The following APCDD1L variants were observed in gnomAD, a reference collection of about 807,000 sequenced individuals.
APCDD1L encodes APC down-regulated 1 like.
In APCDD1L, 21 loss-of-function variants were observed where a neutral mutation model predicts 24.2. That is an observed-to-expected ratio of 0.87 (90% CI 0.61 to 1.25). The LOEUF is 1.25. Ranked by LOEUF, APCDD1L falls within the 50% of genes most tolerant of loss-of-function variation. The pLI is 0.00. For synonymous variants in APCDD1L, 321 were observed against 323.6 expected (o/e 0.99, Z 0.09); for missense variants, 704 against 711.7 (o/e 0.99, Z 0.12).
chr20:58,474,158 C>T (rs749981249), intron 1 of APCDD1L, among the ~76,000 whole-genome samples: 66 of 152,334 alleles, frequency 4.3e-4, no homozygotes, highest in Non-Finnish European at 7.6e-4. Context: ...AGGCCAGGTG[C>T]TTCATCTGCA....
chr20:58,515,259 C>T lies in APCDD1L; in HGVS notation c.-552G>A, dbSNP rs1990721712. On this transcript the variant is annotated 5_prime_UTR_variant, in exon 1 of 4. Transcript: ENST00000371149. Reference sequence around the variant, plus strand: ...GTCTTCCAGCTACTCCTGGAAAAGTCGCGTCAACTTGGATCCCAGCAAACC... The same window carrying T: ...GTCTTCCAGCTACTCCTGGAAAAGTTGCGTCAACTTGGATCCCAGCAAACC... The T allele has an allele frequency of 1.0e-5, 2 of 198,372 alleles. No homozygotes were observed. The highest frequency in any genetic ancestry group is 2.0e-5 in the Non-Finnish European group (2 of 99,192). The allele number at this position is 198,372 out of a possible 1,614,324, so 12.3% of individuals were successfully genotyped here. A position where few individuals can be genotyped will look rare whatever the true frequency, so the allele number is the denominator to read the frequency against.
chr20:58,510,768 G>A (rs982538902), intron 1 of APCDD1L, among the ~76,000 whole-genome samples: 1 of 152,218 alleles, frequency 6.6e-6, no homozygotes, highest in East Asian at 1.9e-4. Flanking sequence ...GCAGCAAGAA[G>A]GGTGGAGCCT....
At chr20:58,485,872 G>GC (rs1355094539) in intron 1 of APCDD1L, among the ~76,000 whole-genome samples, 48 of 152,330 alleles carry the variant, frequency 3.2e-4, no homozygotes, top group Non-Finnish European at 6.2e-4. Flanking sequence ...TGCCTGTAGA[G>GC]CCCCTCCTGA....
At position 58,467,061 on chromosome 20, in the gene APCDD1L, C is replaced by T; in HGVS notation, c.741+45G>A. 1 of 1,546,942 alleles carries T rather than the reference C, an allele frequency of 6.5e-7. No individual in the cohort carries two copies. Among genetic ancestry groups the T allele is most frequent in the South Asian group, 1.2e-5 (1 of 84,622 alleles). ...GGGCTGGGTTCCGAGCTCGCCTCCC[C>T]GAGACCACCACCCCCCTCTCCCACA... On this transcript the variant is annotated intron_variant, in intron 3 of 3. Transcript: ENST00000371149. The surrounding 1 kb of genome is among the most constrained non-coding windows in gnomAD (Gnocchi z 5.9).
chr20:58,489,693 A>C (rs1990188349), intron 1 of APCDD1L, among the ~76,000 whole-genome samples: 1 of 152,006 alleles, frequency 6.6e-6, no homozygotes, highest in Admixed American at 6.6e-5. Flanking sequence ...TGGAAAAAAA[A>C]AAAAAAGAAA....
At position 58,467,053 on chromosome 20, in the gene APCDD1L, C is replaced by T. The variant is rs998010501; in HGVS notation, c.741+53G>A. 2.6e-6 allele frequency: 4 copies of T among 1,535,116 alleles called. No individual in the cohort carries two copies. The African/African-American group carries it at 4.2e-5, about 16-fold the overall frequency. ...AAGCTGCGGGGCTGGGTTCCGAGCT[C>T]GCCTCCCCGAGACCACCACCCCCCT... On this transcript the variant is annotated intron_variant, in intron 3 of 3. Coordinates refer to ENST00000371149, the MANE Select transcript of APCDD1L (RefSeq NM_153360.3). This position sits in a 1 kb window ranked among gnomAD's most constrained non-coding sequence, Gnocchi z 5.9.
chr20:58,465,855 G>A (rs556256423), intron 3 of APCDD1L, among the ~76,000 whole-genome samples: 43 of 152,234 alleles, frequency 2.8e-4, no homozygotes, highest in African/African-American at 9.2e-4. Context: ...CACATTTATC[G>A]TTTCTCTATA....
chr20:58,512,842 C>T (rs990505380), intron 1 of APCDD1L, among the ~76,000 whole-genome samples: 9 of 148,348 alleles, frequency 6.1e-5, no homozygotes, highest in Admixed American at 4.7e-4. Context: ...GCAGGCTGAA[C>T]GGCACCCTCC....
rs1047321846 is a variant in APCDD1L at position 58,497,472 on chromosome 20, C to A, written c.49+17187G>T. Among the ~76,000 whole-genome samples, 3 of 152,144 alleles carry A rather than the reference C, an allele frequency of 2.0e-5. No homozygotes were observed. The highest frequency in any genetic ancestry group is 7.2e-5 in the African/African-American group (3 of 41,432). On this transcript the variant is annotated intron_variant, in intron 1 of 3. Transcript: ENST00000371149. The surrounding 1 kb of genome is among the most constrained non-coding windows in gnomAD (Gnocchi z 4.3). ...GAGTCTGGGCTCATGAGTCTGGGCTCAAGGTGCGAGCTGGGTTGGTTCCTT... is the reference window on the plus strand; with the variant it reads ...GAGTCTGGGCTCATGAGTCTGGGCTAAAGGTGCGAGCTGGGTTGGTTCCTT...
intron 1 of APCDD1L, among the ~76,000 whole-genome samples, chr20:58,472,793 G>T (rs1989835885): frequency 6.6e-6 from 1 of 152,218 alleles, no homozygotes; most frequent in African/African-American, 2.4e-5. Context: ...TGGTTGTTTT[G>T]TCTCAACTTG....
Position 58,463,564 on chromosome 20 carries a change from A to G in APCDD1L, c.742-2010T>C, listed in dbSNP as rs143878419. Among the ~76,000 whole-genome samples the G allele has an allele frequency of 3.1e-3, 471 of 152,286 alleles. 4 individuals are homozygous for G. The highest frequency in any genetic ancestry group is 0.011 in the African/African-American group (454 of 41,564). Reference sequence around the variant, plus strand: ...TCTCCTTCTCCTATTTTATTTCTAAAAAAGAAGCTGCCGCCCAGATTGTAG... The same window carrying G: ...TCTCCTTCTCCTATTTTATTTCTAAGAAAGAAGCTGCCGCCCAGATTGTAG... On this transcript the variant is annotated intron_variant, in intron 3 of 3. Coordinates refer to ENST00000371149, the MANE Select transcript of APCDD1L (RefSeq NM_153360.3).
intron 1 of APCDD1L, among the ~76,000 whole-genome samples, chr20:58,511,320 C>T (rs1231991088): frequency 6.6e-6 from 1 of 152,218 alleles, no homozygotes. Context: ...AATGGCTTCT[C>T]CTTCCCTTTG....
intron 1 of APCDD1L, among the ~76,000 whole-genome samples, chr20:58,488,363 C>T (rs926551044): frequency 4.6e-5 from 7 of 152,296 alleles, no homozygotes; most frequent in African/African-American, 1.7e-4. Flanking sequence ...CTAATGTACA[C>T]ACACACTCAC....
Position 58,514,808 on chromosome 20 carries a change from G to T in APCDD1L, c.-101C>A. 1 of 978,728 alleles carries T rather than the reference G, an allele frequency of 1.0e-6. No homozygotes were observed. Among genetic ancestry groups the T allele is most frequent in the Non-Finnish European group, 1.3e-6 (1 of 746,652 alleles). The allele number at this position is 978,728 out of a possible 1,614,324, so 60.6% of individuals were successfully genotyped here. On this transcript the variant is annotated 5_prime_UTR_variant, in exon 1 of 4. Coordinates refer to ENST00000371149, the MANE Select transcript of APCDD1L (RefSeq NM_153360.3). ...GACGGCTGCGGGCGCCGGCGGCCAG[G>T]CTGGAGTCCTGCGAAGAAGTTGCGA...
rs189743747 is a variant in APCDD1L, at chr20:58,488,089, T to A, written c.50-17342A>T. On this transcript the variant is annotated intron_variant, in intron 1 of 3. Transcript: ENST00000371149. ...TGCAGTCAACCATGATCTGGAAATATTAAATGGAAAATTCCAGAAATAAAC... is the reference window on the plus strand; with the variant it reads ...TGCAGTCAACCATGATCTGGAAATAATAAATGGAAAATTCCAGAAATAAAC... Among the ~76,000 whole-genome samples, 186 of 152,280 alleles carry A rather than the reference T, an allele frequency of 1.2e-3. No individual in the cohort carries two copies. In the Middle Eastern group the frequency reaches 0.014, roughly 11 times the overall value.
In APCDD1L at chr20:58,499,378, C is replaced by T. The variant is rs182347074; in HGVS notation, c.49+15281G>A. On this transcript the variant is annotated intron_variant, in intron 1 of 3. Coordinates refer to ENST00000371149, the MANE Select transcript of APCDD1L (RefSeq NM_153360.3). ...GGGAATGGAACCCAAGGGAAGCCTG[C>T]AGCATCCCCACACCTCCCCTCAGTT... Among the ~76,000 whole-genome samples the T allele has an allele frequency of 4.0e-3, 610 of 152,320 alleles. 5 individuals carry two copies. Among genetic ancestry groups the T allele is most frequent in the Non-Finnish European group, 6.6e-3 (451 of 68,014 alleles).
intron 1 of APCDD1L, among the ~76,000 whole-genome samples, chr20:58,488,582 T>G (rs1326662014): frequency 6.6e-6 from 1 of 152,240 alleles, no homozygotes; most frequent in East Asian, 1.9e-4. Flanking sequence ...AACATTTCTA[T>G]GTGTTTGGAA....
chr20:58,493,254 A>G (rs1990258271), intron 1 of APCDD1L, among the ~76,000 whole-genome samples: 1 of 152,248 alleles, frequency 6.6e-6, no homozygotes, highest in Admixed American at 6.5e-5. Context: ...GGCTCTTACT[A>G]TGAGACATCC....
At chr20:58,495,688 G>A (rs1427774418) in intron 1 of APCDD1L, among the ~76,000 whole-genome samples, 1 of 152,180 alleles carries the variant, frequency 6.6e-6, no homozygotes, top group East Asian at 1.9e-4. Context: ...CATGTTTGGG[G>A]GAAAGGGGTG....
Sources: gnomAD v4.1 joint callset for allele counts (sites outside exome capture counted in the v4.1 genomes callset) on GRCh38, gnomAD v4.1.1 for gene constraint, Gnocchi (gnomAD v3.1) non-coding constraint, MANE v1.5 for transcripts, NCBI Gene and HGNC (gene_info 2026-07-23, HGNC 2026-07-21) for gene names.